AGK: variants seen among roughly 807,000 people sequenced by gnomAD.
AGK encodes acylglycerol kinase, also known as acylglycerol kinase, mitochondrial.
A neutral mutation model predicts 66.4 loss-of-function variants in AGK; 52 were observed. That is an observed-to-expected ratio of 0.78 (90% CI 0.63 to 0.99). The LOEUF (loss-of-function observed/expected upper bound fraction) is 0.99. AGK is among the 50% of genes least tolerant of loss of function. The probability of loss-of-function intolerance (pLI) is 0.00; values close to 1 mark genes in which losing one functional copy is unlikely to be tolerated. For missense variants in AGK, 451 were observed against 506.6 expected (o/e 0.89, Z 1.05); for synonymous variants, 182 against 181.1 (o/e 1.00, Z -0.04).
At chr7:141,612,463 A>T (rs1221657056) in intron 6 of AGK, among the ~76,000 whole-genome samples, 4 of 152,210 alleles carry the variant, frequency 2.6e-5, no homozygotes, top group African/African-American at 9.6e-5. Context: ...CAAATGTATA[A>T]GTGTTATACA....
At chr7:141,647,879 C>T (rs560659503) in intron 13 of AGK, among the ~76,000 whole-genome samples, 52 of 152,300 alleles carry the variant, frequency 3.4e-4, no homozygotes, top group Admixed American at 2.9e-3. Flanking sequence ...CCACGTTGGC[C>T]GGGCTGGTCT....
At chr7:141,632,689 G>C (rs1797085234) in intron 9 of AGK, among the ~76,000 whole-genome samples, 2 of 152,200 alleles carry the variant, frequency 1.3e-5, no homozygotes, top group Non-Finnish European at 2.9e-5. Flanking sequence ...TGTCCTTGCT[G>C]TACCAGCCAC....
At chr7:141,611,582 T>A (rs189414264) in intron 6 of AGK, among the ~76,000 whole-genome samples, 7 of 152,280 alleles carry the variant, frequency 4.6e-5, no homozygotes, top group Admixed American at 1.3e-4. Flanking sequence ...TCTTGTTATA[T>A]TTTGAAGACT....
rs369170660 is a variant in AGK, at chr7:141,564,915, C to T, written c.101+9348C>T. Reference sequence around the variant, plus strand: ...TGGCTAATTTTGTATTTAGTAGGGACGGGGTTTCTCCATGTTGGTCAGGCT... The same window carrying T: ...TGGCTAATTTTGTATTTAGTAGGGATGGGGTTTCTCCATGTTGGTCAGGCT... On this transcript the variant is annotated intron_variant, in intron 2 of 15. Transcript: ENST00000649286. Among the ~76,000 whole-genome samples, 28 of 152,024 alleles carry T rather than the reference C, an allele frequency of 1.8e-4. 1 individual carries two copies. In the South Asian group the frequency reaches 4.6e-3, roughly 25 times the overall value.
chr7:141,604,401 T>TATATATAC (rs1169111569), intron 5 of AGK, among the ~76,000 whole-genome samples: 3 of 143,466 alleles, frequency 2.1e-5, no homozygotes, highest in Non-Finnish European at 3.0e-5. Flanking sequence ...TATATATATA[T>TATATATAC]ATACACATAC....
chr7:141,602,368 A>C (rs769820868), intron 5 of AGK, among the ~76,000 whole-genome samples: 2 of 152,084 alleles, frequency 1.3e-5, no homozygotes, highest in Non-Finnish European at 2.9e-5. Context: ...AATGTACATT[A>C]AATTTCTTTA....
intron 2 of AGK, among the ~76,000 whole-genome samples, chr7:141,563,105 T>TA (rs1795386916): frequency 6.6e-6 from 1 of 152,202 alleles, no homozygotes; most frequent in African/African-American, 2.4e-5. Context: ...TTTGCAACAG[T>TA]GTGTTGCTTC....
intron 2 of AGK, among the ~76,000 whole-genome samples, chr7:141,566,601 A>G (rs1316984569): frequency 1.3e-5 from 2 of 152,262 alleles, no homozygotes; most frequent in East Asian, 3.9e-4. Context: ...TATGTTCTCT[A>G]TACTTATTCT....
At chr7:141,593,096 A>T (rs1178188249) in intron 2 of AGK, 50 bp from the exon 3 acceptor site, 2 of 1,538,582 alleles carry the variant, frequency 1.3e-6, no homozygotes, top group Non-Finnish European at 1.8e-6. Context: ...TTTTGTTTGG[A>T]TCATAATCTA....
rs541826693 is a variant in AGK at position 141,576,793 on chromosome 7, A to T, written c.102-16353A>T. Among the ~76,000 whole-genome samples the T allele has an allele frequency of 3.2e-4, 48 of 152,152 alleles. No homozygotes were observed. The South Asian group carries it at 9.4e-3, about 30-fold the overall frequency. ...GGTGGCTCATGCCTGTAATCCCAGCACTTTGGGAGGCTGAGGTGGGCGGAT... is the reference window on the plus strand; with the variant it reads ...GGTGGCTCATGCCTGTAATCCCAGCTCTTTGGGAGGCTGAGGTGGGCGGAT... On this transcript the variant is annotated intron_variant, in intron 2 of 15. Coordinates refer to ENST00000649286, the MANE Select transcript of AGK (RefSeq NM_018238.4).
chr7:141,568,574 C>CTTTT (rs762829164), intron 2 of AGK, among the ~76,000 whole-genome samples: 1 of 141,754 alleles, frequency 7.1e-6, no homozygotes, highest in African/African-American at 2.6e-5. Flanking sequence ...TTCTTTCTTT[C>CTTTT]TTTTTTTTTT....
chr7:141,592,187 T>C (rs1192404899), intron 2 of AGK, among the ~76,000 whole-genome samples: 1 of 152,206 alleles, frequency 6.6e-6, no homozygotes, highest in East Asian at 1.9e-4. Flanking sequence ...CACAAATTTC[T>C]TGTCTTGCAT....
rs766719681 is a variant in AGK, at chr7:141,601,272, A to C, written c.289A>C (p.Ile97Leu). ...ILHLSGMDVT[I>L]VKTDYEGQAK... ...ACATTTATCTGGCATGGATGTGACT[A>C]TTGTTAAGGTAAGAATGGCTCCTGA... Residue 97 changes from isoleucine to leucine, a missense_variant, in exon 5 of 16, where the codon ATT becomes CTT. Physicochemically the swap from Ile to Leu is conservative, Grantham distance 5. Coordinates refer to ENST00000649286, the MANE Select transcript of AGK (RefSeq NM_018238.4). 1 of 1,612,120 alleles carries C rather than the reference A, an allele frequency of 6.2e-7. No homozygotes were observed. Among genetic ancestry groups the C allele is most frequent in the Admixed American group, 1.7e-5 (1 of 59,920 alleles).
At chr7:141,575,910 C>T (rs1795727921) in intron 2 of AGK, among the ~76,000 whole-genome samples, 1 of 152,040 alleles carries the variant, frequency 6.6e-6, no homozygotes, top group Admixed American at 6.6e-5. Context: ...CAAGATGCTG[C>T]AGCCCTGTTT....
intron 5 of AGK, among the ~76,000 whole-genome samples, chr7:141,610,133 T>A (rs1377261922): frequency 6.6e-6 from 1 of 151,962 alleles, no homozygotes. Context: ...CATGCCTGGA[T>A]AATTTTTGTA....
Position 141,641,254 on chromosome 7 carries a change from C to T in AGK, c.733C>T (p.Pro245Ser). ...AHFFSTLKEW[P>S]QTHQASISYT... is the part of the protein sequence containing the mutation. ...TCTCTCTCCACATTAAAAGGAGTGG[C>T]CTCAGACTCATCAAGCCTCTATCTC... The change falls in exon 12 of 16, where the codon CCT (proline) becomes TCT (serine). Residue 245 changes from proline (P) to serine (S), a missense_variant. Physicochemically the swap from Pro to Ser is moderately conservative, Grantham distance 74 (BLOSUM62 -1). Coordinates refer to ENST00000649286, the MANE Select transcript of AGK (RefSeq NM_018238.4). The T allele has an allele frequency of 6.2e-7, 1 of 1,611,896 alleles. No individual in the cohort carries two copies. Among genetic ancestry groups the T allele is most frequent in the Non-Finnish European group, 8.5e-7 (1 of 1,179,350 alleles).
intron 4 of AGK, among the ~76,000 whole-genome samples, chr7:141,600,099 T>C (rs112083493): frequency 0.041 from 6,266 of 152,256 alleles, 443 homozygotes; most frequent in African/African-American, 0.14. Flanking sequence ...CTTAAATTCT[T>C]GTATAAAGTA....
chr7:141,612,603 G>T (rs1046514053), intron 6 of AGK, among the ~76,000 whole-genome samples: 13 of 152,174 alleles, frequency 8.5e-5, no homozygotes, highest in Admixed American at 4.6e-4. Flanking sequence ...GGTGAAGGAT[G>T]TTGATAATGG....
chr7:141,559,524 A>G (rs1795291021), intron 2 of AGK, among the ~76,000 whole-genome samples: 1 of 152,182 alleles, frequency 6.6e-6, no homozygotes, highest in African/African-American at 2.4e-5. Flanking sequence ...GCTTTGTAAT[A>G]TATTTTAAAT....
Sources: allele counts gnomAD v4.1 joint callset (sites outside exome capture counted in the v4.1 genomes callset), GRCh38; gene constraint gnomAD v4.1.1; transcripts MANE v1.5; gene names NCBI Gene and HGNC (gene_info 2026-07-23, HGNC 2026-07-21).